ELP1: variants seen among roughly 807,000 people sequenced by gnomAD.
The protein encoded by ELP1 is elongator complex protein 1.
In ELP1, 131 loss-of-function variants were observed where a neutral mutation model predicts 183.2. The ratio of observed to expected loss-of-function variants is 0.72; its 90% CI spans 0.62 to 0.83. ELP1 has a LOEUF of 0.83. ELP1 is among the 40% of genes least tolerant of loss of function. The probability of loss-of-function intolerance (pLI) is 0.00; values close to 1 mark genes in which losing one functional copy is unlikely to be tolerated. For missense variants in ELP1, 1,550 were observed against 1,594.9 expected (o/e 0.97, Z 0.48); for synonymous variants, 555 against 569.0 (o/e 0.98, Z 0.35).
intron 5 of ELP1, among the ~76,000 whole-genome samples, chr9:108,924,933 T>C (rs575855158): frequency 6.6e-6 from 1 of 152,210 alleles, no homozygotes; most frequent in Non-Finnish European, 1.5e-5. Flanking sequence ...ACTTTCTAAA[T>C]TGGTATTTCT....
chr9:108,907,699 GT>G (rs1233818221), intron 13 of ELP1, among the ~76,000 whole-genome samples: 2 of 151,946 alleles, frequency 1.3e-5, no homozygotes, highest in African/African-American at 4.8e-5. Flanking sequence ...TCTACACTTT[GT>G]TTTTTTAATC....
At chr9:108,875,454 C>A (rs1252812399) in intron 35 of ELP1, among the ~76,000 whole-genome samples, 1 of 152,220 alleles carries the variant, frequency 6.6e-6, no homozygotes, top group Admixed American at 6.5e-5. Flanking sequence ...TTCAAGCCTG[C>A]AGCGAGCCTC....
intron 35 of ELP1, among the ~76,000 whole-genome samples, chr9:108,876,085 G>A (rs1405511619): frequency 1.3e-5 from 2 of 151,950 alleles, no homozygotes; most frequent in African/African-American, 4.8e-5. Flanking sequence ...AGACCAGCGG[G>A]GACAACTTGG....
rs752753471 is a variant in ELP1 at position 108,906,431 on chromosome 9, A to G, written c.1515T>C (p.Leu505=). Residue 505 remains leucine, a synonymous_variant, in exon 14 of 37, where the codon CTT becomes CTC. Coordinates refer to ENST00000374647, the MANE Select transcript of ELP1 (RefSeq NM_003640.5). ...DQDVNPLKLG[L]LTWIEEDVFL... Reference sequence around the variant, plus strand: ...AGACGTCTTCTTCAATCCAAGTGAGAAGGCCTAGTTTCAGCGGGTTTACAT... The same window carrying G: ...AGACGTCTTCTTCAATCCAAGTGAGGAGGCCTAGTTTCAGCGGGTTTACAT... 1 of 1,614,048 alleles carries G rather than the reference A, an allele frequency of 6.2e-7. No homozygotes were observed. Among genetic ancestry groups the G allele is most frequent in the East Asian group, 2.2e-5 (1 of 44,882 alleles).
chr9:108,871,598 G>C (rs925284148), intron 36 of ELP1, among the ~76,000 whole-genome samples: 3 of 152,174 alleles, frequency 2.0e-5, no homozygotes, highest in Non-Finnish European at 2.9e-5. Flanking sequence ...GACTGCCTTT[G>C]CTGCTGCCTC....
intron 20 of ELP1, 31 bp from the exon 21 acceptor site, chr9:108,898,780 A>T: frequency 6.6e-7 from 1 of 1,519,244 alleles, no homozygotes; most frequent in Non-Finnish European, 9.1e-7. Flanking sequence ...AATAGAAAAG[A>T]TATTCACAAA....
intron 12 of ELP1, among the ~76,000 whole-genome samples, chr9:108,910,272 T>C (rs1164129850): frequency 6.6e-6 from 1 of 152,212 alleles, no homozygotes; most frequent in Non-Finnish European, 1.5e-5. Context: ...ATGTACACAG[T>C]GGGCTGCTGA....
intron 29 of ELP1, among the ~76,000 whole-genome samples, chr9:108,884,619 T>C (rs1287658074): frequency 1.3e-5 from 2 of 152,150 alleles, no homozygotes; most frequent in South Asian, 4.1e-4. Flanking sequence ...AAGTTAAACA[T>C]ACTTCTAAAT....
intron 24 of ELP1, 131 bp from the exon 25 acceptor site, chr9:108,896,775 T>G (rs185246866): frequency 9.6e-7 from 1 of 1,042,856 alleles, no homozygotes; most frequent in Non-Finnish European, 1.5e-6. Context: ...ATACTTCTGA[T>G]ACTTTTATAT....
At chr9:108,900,995 A>C (rs965822905) in intron 18 of ELP1, among the ~76,000 whole-genome samples, 2 of 151,998 alleles carry the variant, frequency 1.3e-5, no homozygotes, top group African/African-American at 4.8e-5. Context: ...ACAGAGATAG[A>C]TAGGGCATGG....
At chr9:108,906,233 T>C (rs1349406112) in intron 14 of ELP1, 70 bp downstream of exon 14, 2 of 1,476,114 alleles carry the variant, frequency 1.4e-6, no homozygotes, top group African/African-American at 2.8e-5. Flanking sequence ...TCAAAAGTTG[T>C]ATGCTCATAA....
chr9:108,891,781 T>C (rs918305666), intron 27 of ELP1, among the ~76,000 whole-genome samples: 1 of 151,922 alleles, frequency 6.6e-6, no homozygotes, highest in African/African-American at 2.4e-5. Flanking sequence ...CAAACGTGAG[T>C]AAAGGGACAG....
At chr9:108,883,489 C>CCT (rs1328058595) in intron 29 of ELP1, among the ~76,000 whole-genome samples, 2 of 151,034 alleles carry the variant, frequency 1.3e-5, no homozygotes, top group African/African-American at 4.9e-5. Context: ...ACAGTTTTAG[C>CCT]TCTTAAATTT....
intron 8 of ELP1, 77 bp downstream of exon 8, chr9:108,918,734 G>A (rs1829539592): frequency 3.1e-6 from 3 of 953,374 alleles, no homozygotes; most frequent in Admixed American, 1.7e-5. Context: ...ACAAACATCT[G>A]TATCATCTGT....
Position 108,908,207 on chromosome 9 carries a change from A to G in ELP1, c.1460+98T>C. 4.6e-6 allele frequency: 4 copies of G among 872,782 alleles called. No homozygotes were observed. In the South Asian group the frequency reaches 5.5e-5, roughly 12 times the overall value. 54.1% of individuals were successfully genotyped at this position (872,782 alleles called of 1,614,324 possible). ...GGGTGTTGTCTTTATTTCTTGTTCCACTCAGCAACAGGCATAGAACTGTTA... is the reference window on the plus strand; with the variant it reads ...GGGTGTTGTCTTTATTTCTTGTTCCGCTCAGCAACAGGCATAGAACTGTTA... On this transcript the variant is annotated intron_variant, in intron 13 of 36. Coordinates refer to ENST00000374647, the MANE Select transcript of ELP1 (RefSeq NM_003640.5).
intron 12 of ELP1, among the ~76,000 whole-genome samples, chr9:108,908,958 T>C (rs1829113830): frequency 6.6e-6 from 1 of 152,144 alleles, no homozygotes; most frequent in Non-Finnish European, 1.5e-5. Context: ...CCTGGCTATT[T>C]CCTAAACACA....
At chr9:108,888,097 T>A (rs1828197104) in intron 29 of ELP1, among the ~76,000 whole-genome samples, 1 of 152,200 alleles carries the variant, frequency 6.6e-6, no homozygotes, top group African/African-American at 2.4e-5. Context: ...TACAAAGGAA[T>A]AAACTACAAC....
chr9:108,898,095 T>C (rs1428542188), intron 22 of ELP1, among the ~76,000 whole-genome samples: 2 of 152,154 alleles, frequency 1.3e-5, no homozygotes, highest in African/African-American at 4.8e-5. Context: ...CAGAAAAATA[T>C]AAACTGGCGA....
intron 16 of ELP1, among the ~76,000 whole-genome samples, chr9:108,902,355 T>C (rs1244135932): frequency 1.3e-5 from 2 of 152,156 alleles, no homozygotes; most frequent in Non-Finnish European, 2.9e-5. Context: ...GTATACTCTG[T>C]CCATTTCCAT....
Sources: gnomAD v4.1 joint callset for allele counts (sites outside exome capture counted in the v4.1 genomes callset) on GRCh38, gnomAD v4.1.1 for gene constraint, MANE v1.5 for transcripts, NCBI Gene and HGNC (gene_info 2026-07-23, HGNC 2026-07-21) for gene names.